QRSL1: variants seen among roughly 807,000 people sequenced by gnomAD.
The protein encoded by QRSL1 is glutamyl-tRNA(Gln) amidotransferase subunit A, mitochondrial.
QRSL1 carries 54 observed loss-of-function variants against 61.6 expected under a neutral mutation model. The observed-to-expected ratio is 0.88, with a 90% CI of 0.70 to 1.10. QRSL1 has a LOEUF of 1.10. Ranked by LOEUF, QRSL1 falls within the 50% of genes least tolerant of loss-of-function variation. The pLI is 0.00. For synonymous variants in QRSL1, 228 were observed against 225.7 expected (o/e 1.01, Z -0.09); for missense variants, 505 against 622.6 (o/e 0.81, Z 2.01).
chr6:106,643,132 T>G (rs1182939112), intron 4 of QRSL1, 42 bp downstream of exon 4: 15 of 1,358,280 alleles, frequency 1.1e-5, no homozygotes, highest in Non-Finnish European at 1.6e-5. Context: ...CTTCTGTCTG[T>G]GCCTTTATTT....
intron 1 of QRSL1, among the ~76,000 whole-genome samples, chr6:106,632,192 T>G (rs971361208): frequency 6.6e-6 from 1 of 152,226 alleles, no homozygotes; most frequent in Non-Finnish European, 1.5e-5. Context: ...GTAGGACATT[T>G]TCTCTATCCA....
Position 106,630,175 on chromosome 6 carries a change from A to G in QRSL1, c.24+470A>G, listed in dbSNP as rs550892140. On this transcript the variant is annotated intron_variant, in intron 1 of 10. Transcript: ENST00000369046. ...TTTACCTACCACTAAGATACCAGTG[A>G]TTTCCTAACCCGTGTCTCCATGTCC... Among the ~76,000 whole-genome samples the G allele has an allele frequency of 3.9e-5, 6 of 152,264 alleles. 1 individual carries two copies. In the South Asian group the frequency reaches 1.2e-3, roughly 32 times the overall value.
In QRSL1 at chr6:106,667,023, C is replaced by T. The variant is rs1777447911; in HGVS notation, c.*1021C>T. 6.6e-6 allele frequency: 1 copy of T among 152,196 alleles called. No homozygotes were observed. Among genetic ancestry groups the T allele is most frequent in the Non-Finnish European group, 1.5e-5 (1 of 68,056 alleles). The allele number at this position is 152,196 out of a possible 1,614,324, so 9.4% of individuals were successfully genotyped here. The stretch of plus-strand genomic sequence containing the variant: ...GAAGCCAGAACAACTCCATGTTACA[C>T]TGAGTTCATGCTCCTATTTACTGAT... On this transcript the variant is annotated 3_prime_UTR_variant, in exon 11 of 11. Transcript: ENST00000369046.
chr6:106,639,432 T>G (rs939675651), intron 1 of QRSL1, among the ~76,000 whole-genome samples: 1 of 152,270 alleles, frequency 6.6e-6, no homozygotes, highest in East Asian at 1.9e-4. Context: ...CCAGTGTGGT[T>G]GTTTTAAGGG....
chr6:106,644,492 A>G (rs1777076966), intron 4 of QRSL1, among the ~76,000 whole-genome samples: 1 of 150,766 alleles, frequency 6.6e-6, no homozygotes, highest in Non-Finnish European at 1.5e-5. Flanking sequence ...GTGTCCTAAG[A>G]AATCTTTTTT....
intron 9 of QRSL1, among the ~76,000 whole-genome samples, chr6:106,661,337 G>A (rs1201233517): frequency 1.3e-5 from 2 of 152,008 alleles, no homozygotes; most frequent in African/African-American, 2.4e-5. Context: ...AGCTGGTCTC[G>A]AACTCCTGAC....
chr6:106,638,358 G>A (rs1235330142), intron 1 of QRSL1, among the ~76,000 whole-genome samples: 1 of 151,760 alleles, frequency 6.6e-6, no homozygotes, highest in African/African-American at 2.4e-5. Flanking sequence ...GGGTTGGAGT[G>A]CATTGGCACG....
intron 9 of QRSL1, among the ~76,000 whole-genome samples, chr6:106,658,342 T>G (rs575646833): frequency 3.3e-5 from 5 of 152,170 alleles, no homozygotes; most frequent in East Asian, 1.9e-4. Context: ...TTGGTTTATA[T>G]GTAGAACTCT....
At chr6:106,633,948 T>A (rs1403988620) in intron 1 of QRSL1, among the ~76,000 whole-genome samples, 1 of 145,118 alleles carries the variant, frequency 6.9e-6, no homozygotes, top group Admixed American at 6.8e-5. Flanking sequence ...TTAAACACTT[T>A]AAAAAAAAAA....
At chr6:106,642,093 G>C (rs545343082) in intron 3 of QRSL1, among the ~76,000 whole-genome samples, 1 of 152,322 alleles carries the variant, frequency 6.6e-6, no homozygotes, top group East Asian at 1.9e-4. Context: ...GTCTTGCTCT[G>C]TCACCCAGAG....
intron 1 of QRSL1, among the ~76,000 whole-genome samples, chr6:106,635,535 C>G (rs1776906462): frequency 1.3e-5 from 2 of 152,144 alleles, no homozygotes; most frequent in African/African-American, 2.4e-5. Context: ...CCCTCAAGAG[C>G]TCTCCTGTAC....
intron 1 of QRSL1, among the ~76,000 whole-genome samples, chr6:106,636,446 A>G (rs1776922534): frequency 6.6e-6 from 1 of 151,670 alleles, no homozygotes; most frequent in East Asian, 1.9e-4. Flanking sequence ...TTAGCCTCCC[A>G]AGTAGCTGGA....
chr6:106,654,467 TATTTTCCCC>T (rs3040662), intron 7 of QRSL1, among the ~76,000 whole-genome samples: 51,099 of 151,734 alleles, frequency 0.34, 9,124 homozygotes, highest in Non-Finnish European at 0.41. Flanking sequence ...ATTTAACAAA[TATTTTCCCC>T]AACCAGATCT....
intron 1 of QRSL1, 88 bp from the exon 2 acceptor site, chr6:106,640,259 TAG>T (rs1275308939): frequency 8.6e-7 from 1 of 1,161,466 alleles, no homozygotes; most frequent in Non-Finnish European, 1.3e-6. Flanking sequence ...ATGTTATACT[TAG>T]CCACTCCATC....
At position 106,649,166 on chromosome 6, in the gene QRSL1, G is replaced by A; in HGVS notation, c.522G>A (p.Gly174=). ...DWLITGGSSG[G]SAAAVSAFTC... ...TGATAACTGGAGGAAGCTCAGGTGG[G>A]AGTGCAGCTGCTGTATCGGCGTTCA... Residue 174 remains glycine (G), a synonymous_variant, in exon 5 of 11, where the codon GGG becomes GGA. Transcript: ENST00000369046. 6.2e-7 allele frequency: 1 copy of A among 1,614,170 alleles called. No homozygotes were observed. The highest frequency in any genetic ancestry group is 2.2e-5 in the East Asian group (1 of 44,876).
In QRSL1 at chr6:106,665,994, A is replaced by G. The variant is rs1490371425; in HGVS notation, c.1579A>G (p.Lys527Glu). ...ENEKLASVSL[K>E]Q ...TGAAAAGTTAGCCTCTGTCTCTCTA[A>G]AACAGTAAACATATCTTACAAATTA... The change falls in exon 11 of 11, where the codon AAA (lysine) becomes GAA (glutamate). Residue 527 changes from lysine (K) to glutamate (E), a missense_variant. Physicochemically the swap from Lys to Glu is moderately conservative, Grantham distance 56 (BLOSUM62 1). Transcript: ENST00000369046. The G allele has an allele frequency of 4.3e-6, 7 of 1,612,884 alleles. No homozygotes were observed. The highest frequency in any genetic ancestry group is 1.3e-5 in the African/African-American group (1 of 74,898).
chr6:106,634,247 G>C (rs1776883975), intron 1 of QRSL1, among the ~76,000 whole-genome samples: 2 of 152,312 alleles, frequency 1.3e-5, no homozygotes, highest in African/African-American at 4.8e-5. Flanking sequence ...AATATGCCTG[G>C]AGAGAAGTGA....
At chr6:106,650,788 A>G (rs1270112173) in intron 5 of QRSL1, among the ~76,000 whole-genome samples, 2 of 152,218 alleles carry the variant, frequency 1.3e-5, no homozygotes, top group East Asian at 3.8e-4. Flanking sequence ...GTCTGGATGA[A>G]TGCATGTCAG....
At chr6:106,635,819 C>T (rs536252433) in intron 1 of QRSL1, among the ~76,000 whole-genome samples, 4 of 150,918 alleles carry the variant, frequency 2.7e-5, no homozygotes, top group South Asian at 2.1e-4. Flanking sequence ...TGCAGTGAGC[C>T]GAGATCGCAC....
Sources: allele counts gnomAD v4.1 joint callset (sites outside exome capture counted in the v4.1 genomes callset), GRCh38; gene constraint gnomAD v4.1.1; transcripts MANE v1.5; gene names NCBI Gene and HGNC (gene_info 2026-07-23, HGNC 2026-07-21).